Variants in TRAP1 observed in about 807,000 individuals in gnomAD.
The protein encoded by TRAP1 is heat shock protein 75 kDa, mitochondrial.
TRAP1 carries 102 observed loss-of-function variants against 89.1 expected under a neutral mutation model. The ratio of observed to expected loss-of-function variants is 1.15; its 90% CI spans 0.98 to 1.35. The LOEUF (loss-of-function observed/expected upper bound fraction) is 1.35, where lower values mean the gene tolerates loss of function less well. TRAP1 is among the 40% of genes most tolerant of loss of function. The pLI is 0.00. For missense variants in TRAP1, 1,256 were observed against 945.3 expected, an observed-to-expected ratio of 1.33 and a Z score of -4.31; for synonymous variants, 508 against 388.0, an observed-to-expected ratio of 1.31 and a Z score of -3.64.
intron 1 of TRAP1, among the ~76,000 whole-genome samples, chr16:3,710,879 AT>A (rs1181110685): frequency 4.8e-4 from 60 of 125,834 alleles, no homozygotes; most frequent in East Asian, 1.7e-3. Context: ...ATATATATAT[AT>A]TTTTTTTTTT....
chr16:3,710,879 A>ATATATATATATTTTTTT (rs71133652), intron 1 of TRAP1, among the ~76,000 whole-genome samples: 1 of 125,834 alleles, frequency 7.9e-6, no homozygotes, highest in East Asian at 2.4e-4. Context: ...ATATATATAT[A>ATATATATATATTTTTTT]TTTTTTTTTT....
At chr16:3,685,634 T>G (rs1166880982) in intron 4 of TRAP1, among the ~76,000 whole-genome samples, 1 of 152,164 alleles carries the variant, frequency 6.6e-6, no homozygotes, top group Non-Finnish European at 1.5e-5. Context: ...CAGCACTGCT[T>G]CGTCGGCATT....
intron 1 of TRAP1, among the ~76,000 whole-genome samples, chr16:3,698,604 TACA>T (rs906024185): frequency 8.0e-5 from 12 of 149,404 alleles, no homozygotes; most frequent in African/African-American, 2.4e-4. Flanking sequence ...GCCCGGCTTC[TACA>T]ACAACTTTTA....
At chr16:3,680,848 G>C (rs966995285) in intron 4 of TRAP1, among the ~76,000 whole-genome samples, 2 of 152,184 alleles carry the variant, frequency 1.3e-5, no homozygotes. Flanking sequence ...AAGAGGCACT[G>C]CCTGAGTCAA....
At chr16:3,660,590 G>C (rs532802567) in intron 16 of TRAP1, 1 of 152,386 alleles carries the variant, frequency 6.6e-6, no homozygotes, top group South Asian at 2.1e-4. Context: ...TGCTCCAGCA[G>C]AGGCACAGGC....
chr16:3,663,005 T>TC, intron 14 of TRAP1, 38 bp from the exon 15 acceptor site: 1 of 1,526,652 alleles, frequency 6.6e-7, no homozygotes. Flanking sequence ...CAGGCCTGCA[T>TC]CCCAACTCCC....
chr16:3,705,359 A>G (rs4260059), intron 1 of TRAP1, among the ~76,000 whole-genome samples: 51,766 of 151,702 alleles, frequency 0.34, 10,295 homozygotes, highest in African/African-American at 0.56. Context: ...ATGAGCCACC[A>G]TGCCCGGACA....
intron 16 of TRAP1, chr16:3,661,700 AG>A (rs754665678): frequency 8.4e-6 from 3 of 359,216 alleles, no homozygotes; most frequent in African/African-American, 4.2e-5. Flanking sequence ...GGCAAAACTG[AG>A]CATGTCCAGG....
At chr16:3,679,901 C>T (rs1596720679) in intron 4 of TRAP1, 111 bp from the exon 5 acceptor site, 3 of 974,582 alleles carry the variant, frequency 3.1e-6, no homozygotes, top group East Asian at 2.6e-5. Flanking sequence ...CCAGACAGGG[C>T]CCAGCCAGGT....
chr16:3,663,438 T>G lies in TRAP1; in HGVS notation c.1694A>C (p.Glu565Ala). 6.2e-7 allele frequency: 1 copy of G among 1,614,070 alleles called. No individual in the cohort carries two copies. Among genetic ancestry groups the G allele is most frequent in the Non-Finnish European group, 8.5e-7 (1 of 1,179,990 alleles). Reference sequence around the variant, plus strand: ...GGGATGCCGACCTGGGGACCTGTCCTCAAACTTCTCCTCCTTGTAGTGATC... The same window carrying G: ...GGGATGCCGACCTGGGGACCTGTCCGCAAACTTCTCCTCCTTGTAGTGATC... ...VVDHYKEEKF[E>A]DRSPAAECLS... The change falls in exon 14 of 18, where the codon GAG (glutamate) becomes GCG (alanine). Residue 565 changes from glutamate (E) to alanine (A), a missense_variant. By Grantham distance (107) the Glu-to-Ala change is moderately radical. Coordinates refer to ENST00000246957, the MANE Select transcript of TRAP1 (RefSeq NM_016292.3).
At chr16:3,672,639 A>G in intron 10 of TRAP1, 61 bp downstream of exon 10, 1 of 1,548,580 alleles carries the variant, frequency 6.5e-7, no homozygotes, top group Non-Finnish European at 8.7e-7. Flanking sequence ...ACGGTCCCTC[A>G]CAGATGCAGC....
At chr16:3,660,919 GTC>G (rs2043038228) in intron 16 of TRAP1, 1 of 151,548 alleles carries the variant, frequency 6.6e-6, no homozygotes, top group South Asian at 2.1e-4. Context: ...GTGAGACCCT[GTC>G]TCAAAAATTA....
At position 3,673,636 on chromosome 16, in the gene TRAP1, C is replaced by CT. The variant is rs370563212; in HGVS notation, c.1044+702dup. ...GGAGCCCTGGGTGGGGCCTGAGACT[C>CT]TAACAAGCCCCTGGAGGCCACACCT... On this transcript the variant is annotated intron_variant, in intron 9 of 17. Transcript: ENST00000246957. 3.9e-3 allele frequency among the ~76,000 whole-genome samples: 587 copies of CT among 152,292 alleles called. 4 individuals are homozygous for CT. The highest frequency in any genetic ancestry group is 0.014 in the African/African-American group (562 of 41,568).
At chr16:3,690,213 C>T (rs1475410445) in intron 2 of TRAP1, among the ~76,000 whole-genome samples, 1 of 152,008 alleles carries the variant, frequency 6.6e-6, no homozygotes, top group Non-Finnish European at 1.5e-5. Context: ...TCTATCTTGC[C>T]CAGGTTGGTC....
In TRAP1 at chr16:3,664,433, G is replaced by A. The variant is rs760132629; in HGVS notation, c.1410C>T (p.Tyr470=). ...GCCCGGAGGGCAGCGCCGAGGACTC[G>A]TAGCGCAGCAGCTTTGCTATGTCCT... ...VKEDIAKLLR[Y]ESSALPSGQL... The change falls in exon 13 of 18, where the codon TAC becomes TAT. Residue 470 remains tyrosine, a synonymous_variant. Transcript: ENST00000246957. 70 of 1,611,956 alleles carry A rather than the reference G, an allele frequency of 4.3e-5. No homozygotes were observed. The highest frequency in any genetic ancestry group is 1.4e-4 in the South Asian group (13 of 90,724).
intron 5 of TRAP1, among the ~76,000 whole-genome samples, chr16:3,679,465 A>G (rs532431757): frequency 6.6e-6 from 1 of 152,264 alleles, no homozygotes; most frequent in Admixed American, 6.5e-5. Context: ...TACGGCACCA[A>G]TTTAATCCGG....
chr16:3,675,272 G>C lies in TRAP1; in HGVS notation c.888+52C>G, dbSNP rs375865183. The C allele has an allele frequency of 2.3e-5, 36 of 1,574,580 alleles. 1 individual carries two copies. The South Asian group carries it at 3.6e-4, about 16-fold the overall frequency. On this transcript the variant is annotated intron_variant, in intron 8 of 17. Coordinates refer to ENST00000246957, the MANE Select transcript of TRAP1 (RefSeq NM_016292.3). ...CATCTCTTCTCCGCTGCCCTGAAACGTACAGATTTGTCTCCATGTTTGACC... is the reference window on the plus strand; with the variant it reads ...CATCTCTTCTCCGCTGCCCTGAAACCTACAGATTTGTCTCCATGTTTGACC...
chr16:3,669,536 G>A (rs1014566651), intron 11 of TRAP1, among the ~76,000 whole-genome samples: 10 of 152,024 alleles, frequency 6.6e-5, no homozygotes, highest in South Asian at 2.1e-4. Flanking sequence ...ACAGCTGCAG[G>A]TAAAGATTTC....
At chr16:3,707,835 C>T (rs971373679) in intron 1 of TRAP1, among the ~76,000 whole-genome samples, 3 of 130,360 alleles carry the variant, frequency 2.3e-5, no homozygotes, top group Admixed American at 1.8e-4. Flanking sequence ...GCCTGGGCAA[C>T]AGACAGAGCG....
Sources: gnomAD v4.1 joint callset for allele counts (sites outside exome capture counted in the v4.1 genomes callset) on GRCh38, gnomAD v4.1.1 for gene constraint, MANE v1.5 for transcripts, NCBI Gene and HGNC (gene_info 2026-07-23, HGNC 2026-07-21) for gene names.